OSBPL3: variants seen among roughly 807,000 people sequenced by gnomAD.
The protein encoded by OSBPL3 is oxysterol-binding protein-related protein 3.
OSBPL3 carries 65 observed loss-of-function variants against 120.1 expected under a neutral mutation model. The observed-to-expected ratio is 0.54, with a 90% confidence interval of 0.44 to 0.67. The LOEUF is 0.67. Among genes scored for constraint, OSBPL3 ranks in the 30% least tolerant of loss-of-function variants. The pLI, the probability that OSBPL3 is intolerant of heterozygous loss-of-function variation, is 0.00. For missense variants in OSBPL3, 1,004 were observed against 1,082.1 expected (o/e 0.93, Z 1.01); for synonymous variants, 416 against 402.6 (o/e 1.03, Z -0.40).
rs1806113591 is a variant in OSBPL3 at position 24,896,214 on chromosome 7, G to A, written c.-149-3593C>T. On this transcript the variant is annotated intron_variant, in intron 1 of 22. Coordinates refer to ENST00000313367, the MANE Select transcript of OSBPL3 (RefSeq NM_015550.4). The surrounding 1 kb of genome is among the most constrained non-coding windows in gnomAD (Gnocchi z 4.4). ...AACCACCTGGTGGTGAGGTTGAGGA[G>A]GAGAGAACTTATGGCCCTTTCCTTC... 6.6e-6 allele frequency among the ~76,000 whole-genome samples: 1 copy of A among 152,212 alleles called. No homozygotes were observed. Among genetic ancestry groups the A allele is most frequent in the East Asian group, 1.9e-4 (1 of 5,196 alleles).
intron 1 of OSBPL3, among the ~76,000 whole-genome samples, chr7:24,923,780 G>A (rs1333810006): frequency 2.0e-5 from 3 of 152,134 alleles, no homozygotes; most frequent in Admixed American, 6.5e-5. Flanking sequence ...TCTTCATGGG[G>A]CTCTGTCTGC....
At chr7:24,884,681 C>T (rs149734561) in intron 2 of OSBPL3, among the ~76,000 whole-genome samples, 96 of 152,284 alleles carry the variant, frequency 6.3e-4, no homozygotes, top group African/African-American at 2.1e-3. Context: ...CTACTACAGG[C>T]GCTCTTCAAA....
At chr7:24,928,358 C>CT (rs1811347998) in intron 1 of OSBPL3, among the ~76,000 whole-genome samples, 1 of 151,872 alleles carries the variant, frequency 6.6e-6, no homozygotes, top group African/African-American at 2.4e-5. Context: ...CACCCGGCTA[C>CT]TTTTTTGTCT....
intron 1 of OSBPL3, among the ~76,000 whole-genome samples, chr7:24,975,237 T>C (rs1019377314): frequency 4.6e-5 from 7 of 152,216 alleles, no homozygotes; most frequent in Non-Finnish European, 1.0e-4. Context: ...CAATGATTAC[T>C]ACATGTGTGA....
intron 14 of OSBPL3, among the ~76,000 whole-genome samples, chr7:24,839,549 T>C (rs1797434258): frequency 1.3e-5 from 2 of 152,246 alleles, no homozygotes; most frequent in African/African-American, 2.4e-5. Flanking sequence ...ATGTGTTGTT[T>C]TGAAGACTCT....
Position 24,827,812 on chromosome 7 carries a change from T to C in OSBPL3, c.1884+2956A>G, listed in dbSNP as rs1476707785. 6.6e-6 allele frequency among the ~76,000 whole-genome samples: 1 copy of C among 152,208 alleles called. No individual in the cohort carries two copies. Among genetic ancestry groups the C allele is most frequent in the Non-Finnish European group, 1.5e-5 (1 of 68,034 alleles). ...GTGGTATGACCATGGTGAAGCCAGC[T>C]GTGAGAACTCCTGGCTGCCTGACAG... On this transcript the variant is annotated intron_variant, in intron 16 of 22. Coordinates refer to ENST00000313367, the MANE Select transcript of OSBPL3 (RefSeq NM_015550.4). The surrounding 1 kb of genome is among the most constrained non-coding windows in gnomAD (Gnocchi z 5.1).
At chr7:24,825,033 A>C (rs1430213605) in intron 16 of OSBPL3, among the ~76,000 whole-genome samples, 1 of 152,096 alleles carries the variant, frequency 6.6e-6, no homozygotes, top group East Asian at 1.9e-4. Flanking sequence ...TGAGGGTGAG[A>C]TTTTCGAGGG....
Position 24,818,806 on chromosome 7 carries a change from T to C in OSBPL3, c.1948+1369A>G, listed in dbSNP as rs1364846012. 1.3e-5 allele frequency among the ~76,000 whole-genome samples: 2 copies of C among 151,982 alleles called. No homozygotes were observed. The highest frequency in any genetic ancestry group is 2.9e-5 in the Non-Finnish European group (2 of 67,984). ...TGTCAGGCTGGGTTACAAAGCAAGA[T>C]TTGGGAATCCTAGGCCCATGGAAAT... On this transcript the variant is annotated intron_variant, in intron 17 of 22. Coordinates refer to ENST00000313367, the MANE Select transcript of OSBPL3 (RefSeq NM_015550.4). The surrounding 1 kb of genome is among the most constrained non-coding windows in gnomAD (Gnocchi z 4.0).
chr7:24,838,356 C>T (rs565881738), intron 14 of OSBPL3, among the ~76,000 whole-genome samples: 1 of 152,150 alleles, frequency 6.6e-6, no homozygotes, highest in South Asian at 2.1e-4. Flanking sequence ...ATTAGCTGGG[C>T]ATGATGGTGC....
chr7:24,927,340 C>A (rs913301232), intron 1 of OSBPL3, among the ~76,000 whole-genome samples: 1 of 152,138 alleles, frequency 6.6e-6, no homozygotes, highest in African/African-American at 2.4e-5. Flanking sequence ...AACTGTGATG[C>A]CAACGTTTTT....
At chr7:24,975,459 A>G (rs1817477498) in intron 1 of OSBPL3, among the ~76,000 whole-genome samples, 1 of 152,258 alleles carries the variant, frequency 6.6e-6, no homozygotes. Flanking sequence ...AAAACTAGAA[A>G]ACAAAATGTC....
intron 16 of OSBPL3, among the ~76,000 whole-genome samples, chr7:24,823,445 A>G (rs1202571677): frequency 6.6e-6 from 1 of 152,164 alleles, no homozygotes; most frequent in Non-Finnish European, 1.5e-5. Flanking sequence ...TTTATAAATT[A>G]GGAAATAGGG....
intron 1 of OSBPL3, among the ~76,000 whole-genome samples, chr7:24,914,584 A>G (rs1400151028): frequency 6.6e-6 from 1 of 151,962 alleles, no homozygotes; most frequent in African/African-American, 2.4e-5. Flanking sequence ...GCCTCCTGAA[A>G]TCTTCCAGGT....
At chr7:24,859,708 A>C (rs916194009) in intron 10 of OSBPL3, among the ~76,000 whole-genome samples, 8 of 152,196 alleles carry the variant, frequency 5.3e-5, no homozygotes, top group African/African-American at 1.2e-4. Context: ...TTTCTTATTT[A>C]TGCAATAGAG....
Position 24,860,827 on chromosome 7 carries a change from G to C in OSBPL3, c.1027+786C>G, listed in dbSNP as rs1221668933. ...CCACAGTTTGTTTAACCATTCATCT[G>C]TTGAAAACCACTTGAGTTTGTTTCC... On this transcript the variant is annotated intron_variant, in intron 10 of 22. Coordinates refer to ENST00000313367, the MANE Select transcript of OSBPL3 (RefSeq NM_015550.4). Among the ~76,000 whole-genome samples the C allele has an allele frequency of 3.3e-5, 5 of 152,180 alleles. 1 individual carries two copies. The highest frequency in any genetic ancestry group is 7.3e-5 in the Non-Finnish European group (5 of 68,034).
At position 24,900,147 on chromosome 7, in the gene OSBPL3, A is replaced by G. The variant is rs147619751; in HGVS notation, c.-149-7526T>C. Among the ~76,000 whole-genome samples, 6 of 152,292 alleles carry G rather than the reference A, an allele frequency of 3.9e-5. No individual in the cohort carries two copies. Among genetic ancestry groups the G allele is most frequent in the African/African-American group, 1.4e-4 (6 of 41,570 alleles). On this transcript the variant is annotated intron_variant, in intron 1 of 22. Coordinates refer to ENST00000313367, the MANE Select transcript of OSBPL3 (RefSeq NM_015550.4). This position sits in a 1 kb window ranked among gnomAD's most constrained non-coding sequence, Gnocchi z 4.5. ...GGAATGCAAAATCTCTGACCCTACCACAGACCAACAAAATCAGGAACTGAG... is the reference window on the plus strand; with the variant it reads ...GGAATGCAAAATCTCTGACCCTACCGCAGACCAACAAAATCAGGAACTGAG...
rs1265543025 is a variant in OSBPL3 at position 24,813,117 on chromosome 7, G to A, written c.2172+1942C>T. ...TGGTCTCAAATTTCAGGCCTCAAGT[G>A]AGCCTCCTGCTTCAGCCTCCCAAAG... On this transcript the variant is annotated intron_variant, in intron 19 of 22. Transcript: ENST00000313367. The surrounding 1 kb of genome is among the most constrained non-coding windows in gnomAD (Gnocchi z 4.5). Among the ~76,000 whole-genome samples, 1 of 152,160 alleles carries A rather than the reference G, an allele frequency of 6.6e-6. No individual in the cohort carries two copies. The highest frequency in any genetic ancestry group is 6.5e-5 in the Admixed American group (1 of 15,274).
At chr7:24,845,734 C>T (rs1798372731) in intron 12 of OSBPL3, among the ~76,000 whole-genome samples, 1 of 149,710 alleles carries the variant, frequency 6.7e-6, no homozygotes, top group Non-Finnish European at 1.5e-5. Flanking sequence ...AGAAAATCTT[C>T]CCTACTCTAG....
intron 2 of OSBPL3, among the ~76,000 whole-genome samples, chr7:24,882,642 T>G (rs1803876879): frequency 6.6e-6 from 1 of 152,256 alleles, no homozygotes; most frequent in Non-Finnish European, 1.5e-5. Context: ...CTTTAGTTCT[T>G]TGGGAAATCT....
Sources: gnomAD v4.1 joint callset for allele counts (sites outside exome capture counted in the v4.1 genomes callset) on GRCh38, gnomAD v4.1.1 for gene constraint, Gnocchi (gnomAD v3.1) non-coding constraint, MANE v1.5 for transcripts, NCBI Gene and HGNC (gene_info 2026-07-23, HGNC 2026-07-21) for gene names.